Variants in MAPKAP1 observed in about 807,000 individuals in gnomAD.
MAPKAP1 encodes MAPK associated protein 1.
A neutral mutation model predicts 65.7 loss-of-function variants in MAPKAP1; 20 were observed. That is an observed-to-expected ratio of 0.30 (90% CI 0.21 to 0.44). MAPKAP1 has a LOEUF of 0.44. Ranked by LOEUF, MAPKAP1 falls within the 20% of genes least tolerant of loss-of-function variation. The pLI is 1.00. For missense variants in MAPKAP1, 423 were observed against 648.0 expected (o/e 0.65, Z 3.77); for synonymous variants, 222 against 244.3 (o/e 0.91, Z 0.85).
At chr9:125,537,888 GCAGCCAGTCTAGTA>G (rs1830118179) in intron 7 of MAPKAP1, among the ~76,000 whole-genome samples, 1 of 152,152 alleles carries the variant, frequency 6.6e-6, no homozygotes, top group Admixed American at 6.5e-5. Flanking sequence ...TGACCCTGCT[GCAGCCAGTCTAGTA>G]CAGCAGGTCC....
At position 125,466,765 on chromosome 9, in the gene MAPKAP1, C is replaced by T. The variant is rs556388232; in HGVS notation, c.1345+1207G>A. Among the ~76,000 whole-genome samples the T allele has an allele frequency of 1.9e-4, 29 of 152,262 alleles. No homozygotes were observed. In the South Asian group the frequency reaches 5.8e-3, roughly 30 times the overall value. On this transcript the variant is annotated intron_variant, in intron 10 of 11. Coordinates refer to ENST00000265960, the MANE Select transcript of MAPKAP1 (RefSeq NM_001006617.3). ...GAGTGGGGTGGCCTTCCTCCTTCCC[C>T]TGGGTCCCCCTAAGTTCTCCCTTTT...
chr9:125,580,910 G>C (rs1317316766), intron 5 of MAPKAP1, among the ~76,000 whole-genome samples: 1 of 152,122 alleles, frequency 6.6e-6, no homozygotes, highest in African/African-American at 2.4e-5. Flanking sequence ...CCATTCAATT[G>C]TTCTCCATCT....
chr9:125,603,056 G>GTCTTTCTTTCTT (rs67808052), intron 4 of MAPKAP1, among the ~76,000 whole-genome samples: 6 of 148,728 alleles, frequency 4.0e-5, no homozygotes, highest in African/African-American at 1.5e-4. Flanking sequence ...CCACACTTGC[G>GTCTTTCTTTCTT]TCTTTCTTTC....
At chr9:125,440,757 A>C (rs1852449923) in intron 11 of MAPKAP1, among the ~76,000 whole-genome samples, 1 of 152,272 alleles carries the variant, frequency 6.6e-6, no homozygotes, top group Admixed American at 6.5e-5. Flanking sequence ...AGCTGAGAGC[A>C]ATAAATCATG....
At chr9:125,461,598 T>C (rs1431558049) in intron 10 of MAPKAP1, among the ~76,000 whole-genome samples, 2 of 152,192 alleles carry the variant, frequency 1.3e-5, no homozygotes, top group Non-Finnish European at 2.9e-5. Context: ...AACATATCTG[T>C]TAAAAGGATG....
chr9:125,702,295 G>C (rs1235281672), intron 1 of MAPKAP1, among the ~76,000 whole-genome samples: 2 of 152,130 alleles, frequency 1.3e-5, no homozygotes, highest in South Asian at 4.1e-4. Flanking sequence ...AGCACTTTGG[G>C]AGGCCAAGGC....
intron 1 of MAPKAP1, among the ~76,000 whole-genome samples, chr9:125,680,057 A>C (rs1834775304): frequency 6.6e-6 from 1 of 151,916 alleles, no homozygotes; most frequent in East Asian, 1.9e-4. Context: ...CTGCTGAGGG[A>C]GTTAACAACA....
chr9:125,478,811 C>T (rs1432594751), intron 9 of MAPKAP1, among the ~76,000 whole-genome samples: 1 of 152,134 alleles, frequency 6.6e-6, no homozygotes, highest in African/African-American at 2.4e-5. Flanking sequence ...TTACATAAAC[C>T]ACGTTCTTCC....
At chr9:125,465,865 C>A (rs375816479) in intron 10 of MAPKAP1, among the ~76,000 whole-genome samples, 2 of 151,998 alleles carry the variant, frequency 1.3e-5, no homozygotes, top group Non-Finnish European at 2.9e-5. Flanking sequence ...AGGCTGAGTA[C>A]GGGGAGGTGG....
intron 4 of MAPKAP1, among the ~76,000 whole-genome samples, chr9:125,622,841 C>T (rs1427828883): frequency 6.6e-6 from 1 of 152,082 alleles, no homozygotes; most frequent in Non-Finnish European, 1.5e-5. Flanking sequence ...TCTCCCCAGT[C>T]TCCCTCTCAT....
Position 125,439,024 on chromosome 9 carries a change from A to G in MAPKAP1, c.1444-12T>C. Reference sequence around the variant, plus strand: ...AGGATGTAGTTAACCTAGAAACAAGAGCACACAGCCCGGTCACCTTGCCAG... The same window carrying G: ...AGGATGTAGTTAACCTAGAAACAAGGGCACACAGCCCGGTCACCTTGCCAG... On this transcript the variant is annotated splice_polypyrimidine_tract_variant and intron_variant, in intron 11 of 11. Coordinates refer to ENST00000265960, the MANE Select transcript of MAPKAP1 (RefSeq NM_001006617.3). This position sits in a 1 kb window ranked among gnomAD's most constrained non-coding sequence, Gnocchi z 4.0. The G allele has an allele frequency of 6.2e-7, 1 of 1,612,772 alleles. No individual in the cohort carries two copies. Among genetic ancestry groups the G allele is most frequent in the Non-Finnish European group, 8.5e-7 (1 of 1,179,766 alleles).
chr9:125,685,254 G>A (rs1253005776), intron 1 of MAPKAP1, among the ~76,000 whole-genome samples: 1 of 152,222 alleles, frequency 6.6e-6, no homozygotes, highest in Non-Finnish European at 1.5e-5. Flanking sequence ...GATAATGCTC[G>A]GTGGAGCCGT....
intron 5 of MAPKAP1, among the ~76,000 whole-genome samples, chr9:125,569,604 A>G (rs1831167514): frequency 6.6e-6 from 1 of 152,208 alleles, no homozygotes; most frequent in Admixed American, 6.5e-5. Flanking sequence ...TACAGTTAAA[A>G]TCAGTTTAAT....
chr9:125,510,772 C>T (rs1035892334), intron 7 of MAPKAP1, among the ~76,000 whole-genome samples: 1 of 152,196 alleles, frequency 6.6e-6, no homozygotes, highest in African/African-American at 2.4e-5. Flanking sequence ...TATAAATCTG[C>T]ATTTCTCTCC....
chr9:125,515,539 C>G (rs1274387196), intron 7 of MAPKAP1, among the ~76,000 whole-genome samples: 1 of 152,220 alleles, frequency 6.6e-6, no homozygotes, highest in Non-Finnish European at 1.5e-5. Flanking sequence ...GTAGCCCCCT[C>G]TGATAACAGC....
intron 7 of MAPKAP1, among the ~76,000 whole-genome samples, chr9:125,527,069 TTTG>T (rs200365310): frequency 1.2e-4 from 5 of 41,202 alleles, no homozygotes; most frequent in East Asian, 3.2e-3. Context: ...GTTTTTTTTG[TTTG>T]TTTTTTTTGG....
chr9:125,446,953 G>A lies in MAPKAP1; in HGVS notation c.1346-2355C>T, dbSNP rs376116601. 1.9e-4 allele frequency among the ~76,000 whole-genome samples: 29 copies of A among 152,272 alleles called. No homozygotes were observed. In the South Asian group the frequency reaches 3.7e-3, roughly 20 times the overall value. On this transcript the variant is annotated intron_variant, in intron 10 of 11. Coordinates refer to ENST00000265960, the MANE Select transcript of MAPKAP1 (RefSeq NM_001006617.3). Reference sequence around the variant, plus strand: ...AATAAGTAGTCTGCAAGGCCTAAGAGCCCCAGAAAGGAAGCGTTGACACTG... The same window carrying A: ...AATAAGTAGTCTGCAAGGCCTAAGAACCCCAGAAAGGAAGCGTTGACACTG...
chr9:125,531,587 A>G lies in MAPKAP1; in HGVS notation c.958+11472T>C, dbSNP rs1829934357. On this transcript the variant is annotated intron_variant, in intron 7 of 11. Coordinates refer to ENST00000265960, the MANE Select transcript of MAPKAP1 (RefSeq NM_001006617.3). Reference sequence around the variant, plus strand: ...AGTGCTTTTTATGCTACAAGAATACATGTTTGTACATTCAGAAATTCATAT... The same window carrying G: ...AGTGCTTTTTATGCTACAAGAATACGTGTTTGTACATTCAGAAATTCATAT... Among the ~76,000 whole-genome samples the G allele has an allele frequency of 2.0e-5, 3 of 152,346 alleles. No homozygotes were observed. The South Asian group carries it at 6.2e-4, about 32-fold the overall frequency.
intron 7 of MAPKAP1, among the ~76,000 whole-genome samples, chr9:125,509,293 A>AG (rs397780764): frequency 1.6e-4 from 25 of 151,774 alleles, no homozygotes; most frequent in Non-Finnish European, 3.5e-4. Flanking sequence ...TAAGCAAAAA[A>AG]TATGTAAAGG....
Sources: gnomAD v4.1 joint callset for allele counts (sites outside exome capture counted in the v4.1 genomes callset) on GRCh38, gnomAD v4.1.1 for gene constraint, Gnocchi (gnomAD v3.1) non-coding constraint, MANE v1.5 for transcripts, NCBI Gene and HGNC (gene_info 2026-07-23, HGNC 2026-07-21) for gene names.